TNFRSF11B: variants seen among roughly 807,000 people sequenced by gnomAD.
TNFRSF11B encodes TNF receptor superfamily member 11b.
Under a neutral mutation model 43.4 loss-of-function variants are expected in TNFRSF11B, and 16 were observed. That is an observed-to-expected ratio of 0.37 (90% CI 0.25 to 0.56). TNFRSF11B has a LOEUF of 0.56. Ranked by LOEUF, TNFRSF11B falls within the 20% of genes least tolerant of loss-of-function variation. The pLI is 0.80. For synonymous variants in TNFRSF11B, 185 were observed against 181.8 expected (o/e 1.02, Z -0.14); for missense variants, 444 against 490.1 (o/e 0.91, Z 0.89).
At chr8:118,944,025 A>T (rs932746832) in intron 1 of TNFRSF11B, among the ~76,000 whole-genome samples, 1 of 151,808 alleles carries the variant, frequency 6.6e-6, no homozygotes, top group Non-Finnish European at 1.5e-5. Flanking sequence ...GGAGTTGAAG[A>T]ATCTAAAATC....
chr8:118,936,520 C>T (rs188881540), intron 1 of TNFRSF11B, among the ~76,000 whole-genome samples: 23 of 152,204 alleles, frequency 1.5e-4, no homozygotes, highest in East Asian at 1.2e-3. Flanking sequence ...TCCTTTCTCT[C>T]GGTTTCTTCT....
At chr8:118,940,740 A>G (rs1812474184) in intron 1 of TNFRSF11B, among the ~76,000 whole-genome samples, 1 of 151,968 alleles carries the variant, frequency 6.6e-6, no homozygotes, top group African/African-American at 2.4e-5. Context: ...TTCATTATCT[A>G]CTCTGTTCTT....
intron 1 of TNFRSF11B, 112 bp downstream of exon 1, chr8:118,951,680 T>C (rs1812648062): frequency 9.3e-7 from 1 of 1,076,406 alleles, no homozygotes; most frequent in East Asian, 2.6e-5. Context: ...AAGCCTCTCC[T>C]GGGAGGGAGC....
Position 118,924,231 on chromosome 8 carries a change from A to G in TNFRSF11B, c.*143T>C. The G allele has an allele frequency of 1.2e-6, 1 of 852,854 alleles. No homozygotes were observed. The highest frequency in any genetic ancestry group is 1.9e-6 in the Non-Finnish European group (1 of 519,166). The allele number at this position is 852,854 out of a possible 1,614,324, so 52.8% of individuals were successfully genotyped here. Reference sequence around the variant, plus strand: ...GAGATGTTAGTCCTTTCTCCACATCATAGTTTCTTTTAGTACCCTGTGGCA... The same window carrying G: ...GAGATGTTAGTCCTTTCTCCACATCGTAGTTTCTTTTAGTACCCTGTGGCA... On this transcript the variant is annotated 3_prime_UTR_variant, in exon 5 of 5. Transcript: ENST00000297350.
At chr8:118,927,823 A>T (rs1563688739) in intron 3 of TNFRSF11B, among the ~76,000 whole-genome samples, 3 of 152,142 alleles carry the variant, frequency 2.0e-5, no homozygotes, top group Admixed American at 2.0e-4. Flanking sequence ...TAGTGGTGGG[A>T]GTGACAAGGT....
At position 118,928,828 on chromosome 8, in the gene TNFRSF11B, C is replaced by G; in HGVS notation, c.502G>C (p.Val168Leu). 5 of 1,614,158 alleles carry G rather than the reference C, an allele frequency of 3.1e-6. No homozygotes were observed. Among genetic ancestry groups the G allele is most frequent in the Non-Finnish European group, 3.4e-6 (4 of 1,180,034 alleles). Residue 168 changes from valine (V) to leucine (L), a missense_variant, in exon 3 of 5, where the codon GTC (valine) becomes CTC (leucine). Physicochemically the swap from Val to Leu is conservative, Grantham distance 32 (BLOSUM62 1). Coordinates refer to ENST00000297350, the MANE Select transcript of TNFRSF11B (RefSeq NM_002546.4). ...APCRKHTNCS[V>L]FGLLLTQKGN... ...TTCTGAGTTAGCAGGAGACCAAAGACACTGCAATTTGTGTGTTTTCTACAG... is the reference window on the plus strand; with the variant it reads ...TTCTGAGTTAGCAGGAGACCAAAGAGACTGCAATTTGTGTGTTTTCTACAG...
chr8:118,931,726 A>G (rs1249190595), intron 2 of TNFRSF11B, among the ~76,000 whole-genome samples: 1 of 152,220 alleles, frequency 6.6e-6, no homozygotes, highest in Non-Finnish European at 1.5e-5. Flanking sequence ...GAGAAACAGA[A>G]TAGATTTTGA....
intron 1 of TNFRSF11B, among the ~76,000 whole-genome samples, chr8:118,950,734 G>A (rs1437692931): frequency 3.3e-5 from 5 of 152,054 alleles, no homozygotes; most frequent in Admixed American, 1.3e-4. Context: ...ATACTTATGG[G>A]TAGATTCCTA....
chr8:118,935,496 G>A (rs989832146), intron 1 of TNFRSF11B, among the ~76,000 whole-genome samples: 1 of 152,124 alleles, frequency 6.6e-6, no homozygotes, highest in African/African-American at 2.4e-5. Context: ...TCAAAGTAAT[G>A]CAAGAAAGCA....
intron 1 of TNFRSF11B, among the ~76,000 whole-genome samples, chr8:118,949,972 A>G (rs1328041714): frequency 6.6e-6 from 1 of 152,236 alleles, no homozygotes; most frequent in African/African-American, 2.4e-5. Flanking sequence ...TTCTTCCTAT[A>G]TAAAGTATTT....
At chr8:118,948,423 G>A (rs1205575648) in intron 1 of TNFRSF11B, among the ~76,000 whole-genome samples, 1 of 152,106 alleles carries the variant, frequency 6.6e-6, no homozygotes, top group Non-Finnish European at 1.5e-5. Flanking sequence ...GGGGGCTGAC[G>A]GTTGCCAAGA....
At chr8:118,928,658 G>A in intron 3 of TNFRSF11B, 80 bp downstream of exon 3, 1 of 1,467,800 alleles carries the variant, frequency 6.8e-7, no homozygotes, top group Non-Finnish European at 9.5e-7. Flanking sequence ...CCAAGAATGT[G>A]GCTGGAGGCC....
In TNFRSF11B at chr8:118,924,714, T is replaced by G; in HGVS notation, c.866A>C (p.Asn289Thr). The G allele has an allele frequency of 6.2e-7, 1 of 1,614,180 alleles. No individual in the cohort carries two copies. Among genetic ancestry groups the G allele is most frequent in the South Asian group, 1.1e-5 (1 of 91,082 alleles). Residue 289 changes from asparagine to threonine, a missense_variant, in exon 5 of 5, where the codon AAC becomes ACC. By Grantham distance (65) the Asn-to-Thr change is moderately conservative (BLOSUM62 0). Transcript: ENST00000297350. ...GCTACGAAGCTGCTCGAAGGTGAGG[T>G]TAGCATGTCCAATGTGCCGCTGCAC... ...NSVQRHIGHA[N>T]LTFEQLRSLM... is the part of the protein sequence containing the mutation.
chr8:118,938,276 T>G (rs979910234), intron 1 of TNFRSF11B, among the ~76,000 whole-genome samples: 6 of 152,148 alleles, frequency 3.9e-5, no homozygotes, highest in Non-Finnish European at 7.3e-5. Context: ...CCACCACACC[T>G]GACCTGTTTT....
chr8:118,926,462 CTGAT>C (rs1812246325), intron 4 of TNFRSF11B, 28 bp downstream of exon 4: 2 of 1,575,042 alleles, frequency 1.3e-6, no homozygotes, highest in Non-Finnish European at 1.7e-6. Context: ...TCTTTGATTT[CTGAT>C]TGATCTTTTT....
At chr8:118,925,143 C>T (rs1812230665) in intron 4 of TNFRSF11B, among the ~76,000 whole-genome samples, 1 of 152,152 alleles carries the variant, frequency 6.6e-6, no homozygotes, top group South Asian at 2.1e-4. Context: ...TACAAAGTTT[C>T]ATTAGTAGGC....
At chr8:118,948,630 G>A (rs1563694664) in intron 1 of TNFRSF11B, among the ~76,000 whole-genome samples, 1 of 152,070 alleles carries the variant, frequency 6.6e-6, no homozygotes, top group Non-Finnish European at 1.5e-5. Context: ...AAACTAGATT[G>A]AAATTAGAAA....
At chr8:118,951,711 C>T (rs1812648986) in intron 1 of TNFRSF11B, 81 bp downstream of exon 1, 9 of 1,375,204 alleles carry the variant, frequency 6.5e-6, no homozygotes, top group African/African-American at 2.9e-5. Context: ...TTCTCCCCGC[C>T]GGTCCGCTGG....
intron 1 of TNFRSF11B, among the ~76,000 whole-genome samples, chr8:118,942,833 T>C (rs1812507031): frequency 6.6e-6 from 1 of 152,174 alleles, no homozygotes; most frequent in Non-Finnish European, 1.5e-5. Flanking sequence ...CTCTCGGAGC[T>C]TGCAGTTATG....
Sources: allele counts gnomAD v4.1 joint callset (sites outside exome capture counted in the v4.1 genomes callset), GRCh38; gene constraint gnomAD v4.1.1; transcripts MANE v1.5; gene names NCBI Gene and HGNC (gene_info 2026-07-23, HGNC 2026-07-21).